RABGEF1: variants seen among roughly 807,000 people sequenced by gnomAD.
RABGEF1 encodes RAB guanine nucleotide exchange factor 1, also known as rab5 GDP/GTP exchange factor.
A neutral mutation model predicts 57.3 loss-of-function variants in RABGEF1; 26 were observed. That is an observed-to-expected ratio of 0.45 (90% confidence interval 0.33 to 0.63). The LOEUF is 0.63. RABGEF1 is among the 20% of genes least tolerant of loss of function. The pLI is 0.02. For synonymous variants in RABGEF1, 185 were observed against 210.7 expected, an observed-to-expected ratio of 0.88 and a Z score of 1.06; for missense variants, 464 against 607.6, an observed-to-expected ratio of 0.76 and a Z score of 2.48.
chr7:66,678,470 C>T (rs1320407288), upstream of RABGEF1, among the ~76,000 whole-genome samples: 1 of 145,696 alleles, frequency 6.9e-6, no homozygotes, highest in Non-Finnish European at 1.5e-5. Flanking sequence ...GAGGCTGAGG[C>T]AGGAGAATGG....
intron 6 of RABGEF1, among the ~76,000 whole-genome samples, chr7:66,798,646 T>A (rs1786589638): frequency 6.6e-6 from 1 of 152,126 alleles, no homozygotes; most frequent in African/African-American, 2.4e-5. Context: ...TGGCCTCCTA[T>A]ACAAGCTCCA....
At chr7:66,674,173 T>G in the RABGEF1 span, among the ~76,000 whole-genome samples, 1 of 151,666 alleles carries the variant, frequency 6.6e-6, no homozygotes, top group Non-Finnish European at 1.5e-5. Flanking sequence ...AAGAAATTTG[T>G]GCTTGTGTCC....
chr7:66,743,846 C>T (rs1029007040), intron 1 of RABGEF1, among the ~76,000 whole-genome samples: 21 of 151,908 alleles, frequency 1.4e-4, no homozygotes, highest in Admixed American at 2.0e-4. Flanking sequence ...TCCCAGGGTG[C>T]TCTCCAACCC....
the RABGEF1 span, among the ~76,000 whole-genome samples, chr7:66,671,835 T>TTTTG: frequency 1.3e-5 from 2 of 150,310 alleles, no homozygotes; most frequent in Admixed American, 6.7e-5. Flanking sequence ...TTTTTTTTTT[T>TTTTG]GAGTCAGCAT....
chr7:66,771,558 A>G (rs1807141913), intron 1 of RABGEF1, among the ~76,000 whole-genome samples: 1 of 151,942 alleles, frequency 6.6e-6, no homozygotes, highest in Non-Finnish European at 1.5e-5. Flanking sequence ...CTTTTCCCCT[A>G]AGTTTTTTTT....
intron 3 of RABGEF1, among the ~76,000 whole-genome samples, chr7:66,777,824 G>C (rs1189715188): frequency 6.6e-6 from 1 of 151,916 alleles, no homozygotes; most frequent in Non-Finnish European, 1.5e-5. Flanking sequence ...AAAGAATCCA[G>C]GTGAATTTTG....
At chr7:66,771,231 C>G (rs1218300596) in intron 1 of RABGEF1, among the ~76,000 whole-genome samples, 1 of 152,060 alleles carries the variant, frequency 6.6e-6, no homozygotes, top group Non-Finnish European at 1.5e-5. Context: ...CTCTGCCTCC[C>G]AGGTTCACGT....
In RABGEF1 at chr7:66,753,299, A is replaced by G. The variant is rs547291659; in HGVS notation, c.-18+12507A>G. 1.2e-4 allele frequency among the ~76,000 whole-genome samples: 19 copies of G among 152,282 alleles called. No homozygotes were observed. The South Asian group carries it at 3.9e-3, about 32-fold the overall frequency. On this transcript the variant is annotated intron_variant, in intron 1 of 8. Transcript: ENST00000284957. Reference sequence around the variant, plus strand: ...GACTGTTGCTTGCTAACTGGGGTGTATGATTGTCCTATTTGTAAAGAACAG... The same window carrying G: ...GACTGTTGCTTGCTAACTGGGGTGTGTGATTGTCCTATTTGTAAAGAACAG...
chr7:66,798,430 A>G (rs1786527593), intron 6 of RABGEF1, among the ~76,000 whole-genome samples: 1 of 152,216 alleles, frequency 6.6e-6, no homozygotes, highest in Admixed American at 6.5e-5. Context: ...TGGAAGTTTC[A>G]TAGCTGAAGT....
chr7:66,749,576 T>C (rs1800949427), intron 1 of RABGEF1, among the ~76,000 whole-genome samples: 1 of 152,148 alleles, frequency 6.6e-6, no homozygotes, highest in Admixed American at 6.5e-5. Flanking sequence ...GGCAGGAGGA[T>C]TGCCGGAGGT....
chr7:66,688,842 C>T (rs1389776380), intron 1 of RABGEF1, among the ~76,000 whole-genome samples: 1 of 152,152 alleles, frequency 6.6e-6, no homozygotes, highest in Non-Finnish European at 1.5e-5. Flanking sequence ...GTCAACATCC[C>T]AGCATTTTGG....
At chr7:66,712,312 A>G (rs923345375) in intron 2 of RABGEF1, 1 of 152,174 alleles carries the variant, frequency 6.6e-6, no homozygotes. Context: ...ACGTTTTGCT[A>G]ATTTTATACC....
intron 2 of RABGEF1, among the ~76,000 whole-genome samples, chr7:66,722,894 ATAT>A (rs1439618167): frequency 1.3e-5 from 2 of 152,200 alleles, no homozygotes; most frequent in Non-Finnish European, 2.9e-5. Flanking sequence ...CATTTTAACA[ATAT>A]TAAGTCTTCC....
At chr7:66,668,379 G>A in the RABGEF1 span, among the ~76,000 whole-genome samples, 1 of 152,136 alleles carries the variant, frequency 6.6e-6, no homozygotes, top group Non-Finnish European at 1.5e-5. Context: ...TTACAGCCGT[G>A]AGCCACCATG....
chr7:66,799,093 C>A (rs1786695605), intron 6 of RABGEF1, among the ~76,000 whole-genome samples: 1 of 152,226 alleles, frequency 6.6e-6, no homozygotes, highest in Non-Finnish European at 1.5e-5. Flanking sequence ...AATGTCATTT[C>A]AGTCAGCAAG....
the RABGEF1 span, among the ~76,000 whole-genome samples, chr7:66,662,430 C>T: frequency 6.6e-6 from 1 of 152,138 alleles, no homozygotes. Flanking sequence ...CTGGATAATC[C>T]TCTCTCCCTG....
the RABGEF1 span, among the ~76,000 whole-genome samples, chr7:66,675,833 T>C: frequency 2.6e-5 from 4 of 152,082 alleles, no homozygotes; most frequent in African/African-American, 9.7e-5. Flanking sequence ...TATGACAGCA[T>C]GAAAAAGTAT....
chr7:66,769,440 T>C (rs1290792259), intron 1 of RABGEF1, among the ~76,000 whole-genome samples: 1 of 152,328 alleles, frequency 6.6e-6, no homozygotes, highest in Non-Finnish European at 1.5e-5. Flanking sequence ...AAGATTGAGA[T>C]TGCGCTCAAA....
At chr7:66,655,135 G>T in the RABGEF1 span, among the ~76,000 whole-genome samples, 1 of 152,214 alleles carries the variant, frequency 6.6e-6, no homozygotes, top group South Asian at 2.1e-4. Flanking sequence ...CGTCGCCCTG[G>T]GGGGACAGAA....
Sources: allele counts gnomAD v4.1 joint callset (sites outside exome capture counted in the v4.1 genomes callset), GRCh38; gene constraint gnomAD v4.1.1; transcripts MANE v1.5; gene names NCBI Gene and HGNC (gene_info 2026-07-23, HGNC 2026-07-21).